Variants in PROCR observed in about 807,000 individuals in gnomAD.
PROCR encodes the protein endothelial protein C receptor.
In PROCR, 22 loss-of-function variants were observed where a neutral mutation model predicts 24.2. The observed-to-expected ratio is 0.91, with a 90% CI of 0.65 to 1.30. The LOEUF (loss-of-function observed/expected upper bound fraction) is 1.30, where lower values mean the gene tolerates loss of function less well. Among genes scored for constraint, PROCR ranks in the 50% most tolerant of loss-of-function variants. PROCR has a pLI of 0.00. For synonymous variants in PROCR, 137 were observed against 139.2 expected (o/e 0.98, Z 0.11); for missense variants, 288 against 307.7 (o/e 0.94, Z 0.48).
intron 1 of PROCR, among the ~76,000 whole-genome samples, chr20:35,186,918 A>G (rs1473941951): frequency 6.6e-6 from 1 of 151,482 alleles, no homozygotes; most frequent in East Asian, 1.9e-4. Flanking sequence ...GCGCCACTGC[A>G]CTCCAGCCTG....
chr20:35,173,421 T>C (rs993686693), intron 1 of PROCR, among the ~76,000 whole-genome samples: 1 of 140,506 alleles, frequency 7.1e-6, no homozygotes, highest in Non-Finnish European at 1.5e-5. Context: ...TCTTTCTTTT[T>C]TCTTTTTTTT....
chr20:35,174,432 G>A lies in PROCR; in HGVS notation c.71-270G>A, dbSNP rs577146043. ...GGTTAACAGGAAACGGGGGGAGGGA[G>A]AGCCGAGGGTGAAAAAGGAGGCAGA... On this transcript the variant is annotated intron_variant, in intron 1 of 3. Coordinates refer to ENST00000216968, the MANE Select transcript of PROCR (RefSeq NM_006404.5). 84 of 518,074 alleles carry A rather than the reference G, an allele frequency of 1.6e-4. 2 individuals carry two copies. The South Asian group carries it at 1.7e-3, about 10-fold the overall frequency. The allele number at this position is 518,074 out of a possible 1,614,324, so 32.1% of individuals were successfully genotyped here. A position where few individuals can be genotyped will look rare whatever the true frequency, so the allele number is the denominator to read the frequency against.
chr20:35,173,682 G>A (rs1014997664), intron 1 of PROCR, among the ~76,000 whole-genome samples: 2 of 151,790 alleles, frequency 1.3e-5, no homozygotes, highest in African/African-American at 4.8e-5. Flanking sequence ...CGCCCGCCTC[G>A]GCCTCCCAAA....
At chr20:35,171,126 C>T (rs1044343383), upstream of PROCR, among the ~76,000 whole-genome samples, 1 of 152,116 alleles carries the variant, frequency 6.6e-6, no homozygotes, top group African/African-American at 2.4e-5. Context: ...GTCTCAAACT[C>T]CTGGCCTCAA....
At chr20:35,215,500 T>C (rs1204451822) in intron 1 of PROCR, among the ~76,000 whole-genome samples, 2 of 150,640 alleles carry the variant, frequency 1.3e-5, no homozygotes, top group African/African-American at 4.9e-5. Context: ...GTCTTATCTT[T>C]TTTTTTTTTT....
Position 35,174,896 on chromosome 20 carries a change from T to C in PROCR, c.265T>C (p.Tyr89His), listed in dbSNP as rs372548432. ...WARTQSGLQS[Y>H]LLQFHGLVRL... ...GCGCACGCAGAGTGGCCTGCAGTCC[T>C]ACCTGCTCCAGTTCCACGGCCTCGT... Residue 89 changes from tyrosine to histidine, a missense_variant, in exon 2 of 4, where the codon TAC (tyrosine) becomes CAC (histidine). Tyr to His is a moderately conservative substitution (Grantham distance 83). Transcript: ENST00000216968. 3.0e-5 allele frequency: 49 copies of C among 1,609,604 alleles called. No homozygotes were observed. The highest frequency in any genetic ancestry group is 3.9e-5 in the Non-Finnish European group (46 of 1,178,192).
chr20:35,202,210 C>A (rs2060321081), intron 1 of PROCR: 1 of 152,146 alleles, frequency 6.6e-6, no homozygotes, highest in Admixed American at 6.6e-5. Flanking sequence ...AGCATGTTCT[C>A]TGGCTATACC....
intron 1 of PROCR, among the ~76,000 whole-genome samples, chr20:35,182,973 CAAAAAAAAAAAAA>C (rs71333786): frequency 9.0e-5 from 10 of 110,766 alleles, no homozygotes; most frequent in South Asian, 2.7e-4. Context: ...GACTCCGTCT[CAAAAAAAAAAAAA>C]AAAAAAAAAA....
In PROCR at chr20:35,174,904, C is replaced by T. The variant is rs1489641729; in HGVS notation, c.273C>T (p.Leu91=). Residue 91 remains leucine (L), a synonymous_variant, in exon 2 of 4, where the codon CTC becomes CTT. Transcript: ENST00000216968. ...AGAGTGGCCTGCAGTCCTACCTGCT[C>T]CAGTTCCACGGCCTCGTGCGCCTGG... is the stretch of plus-strand genomic sequence containing the variant. ...RTQSGLQSYL[L]QFHGLVRLVH... The T allele has an allele frequency of 6.2e-7, 1 of 1,608,216 alleles. No individual in the cohort carries two copies. The highest frequency in any genetic ancestry group is 8.5e-7 in the Non-Finnish European group (1 of 1,177,466).
chr20:35,185,151 T>G (rs2086113377), intron 1 of PROCR, among the ~76,000 whole-genome samples: 2 of 151,634 alleles, frequency 1.3e-5, no homozygotes, highest in East Asian at 3.9e-4. Context: ...ACATTACTAA[T>G]GATCAGGAAA....
In PROCR at chr20:35,174,960, A is replaced by G. The variant is rs747579561; in HGVS notation, c.322+7A>G. On this transcript the variant is annotated splice_region_variant and intron_variant, in intron 2 of 3. Transcript: ENST00000216968. ...CAGGAGCGGACCTTGGCCTGTGAGTAGGCGCGCAGCGGGGGCGGGGTCTGG... is the reference window on the plus strand; with the variant it reads ...CAGGAGCGGACCTTGGCCTGTGAGTGGGCGCGCAGCGGGGGCGGGGTCTGG... 2 of 1,185,962 alleles carry G rather than the reference A, an allele frequency of 1.7e-6. No homozygotes were observed. Among genetic ancestry groups the G allele is most frequent in the East Asian group, 5.8e-5 (1 of 17,112 alleles). The allele number at this position is 1,185,962 out of a possible 1,614,324, so 73.5% of individuals were successfully genotyped here.
intron 3 of PROCR, 123 bp from the exon 4 acceptor site, chr20:35,176,575 G>T: frequency 6.3e-7 from 1 of 1,589,880 alleles, no homozygotes; most frequent in Non-Finnish European, 8.6e-7. Flanking sequence ...CAGAACACAC[G>T]CAGCTTCAGT....
upstream of PROCR, chr20:35,172,071 C>A: frequency 7.5e-7 from 1 of 1,327,510 alleles, no homozygotes; most frequent in Non-Finnish European, 1.1e-6. Flanking sequence ...AGACGGTCCT[C>A]ACTTCTCTTT....
chr20:35,189,795 C>T (rs2086158233), intron 1 of PROCR, among the ~76,000 whole-genome samples: 1 of 152,136 alleles, frequency 6.6e-6, no homozygotes, highest in African/African-American at 2.4e-5. Context: ...GGGGCTGGTT[C>T]CCCCAATACC....
At chr20:35,174,465 G>A (rs1568590092) in intron 1 of PROCR, 2 of 579,936 alleles carry the variant, frequency 3.4e-6, no homozygotes, top group Non-Finnish European at 6.2e-6. Context: ...AGAAAGGAGT[G>A]TCTCTTCCAC....
upstream of PROCR, among the ~76,000 whole-genome samples, chr20:35,171,872 C>T (rs2085953547): frequency 6.6e-6 from 1 of 152,086 alleles, no homozygotes; most frequent in Non-Finnish European, 1.5e-5. Flanking sequence ...TAGGAAGCAG[C>T]CCAAGGAGAA....
chr20:35,172,024 T>G, upstream of PROCR: 1 of 799,994 alleles, frequency 1.3e-6, no homozygotes, highest in Non-Finnish European at 2.2e-6. Flanking sequence ...TCTCCTGGCC[T>G]CCTTCCATCC....
chr20:35,178,540 A>G (rs6058200), downstream of PROCR, among the ~76,000 whole-genome samples: 13,537 of 33,562 alleles, frequency 0.4, 3,304 homozygotes, highest in African/African-American at 0.66. Flanking sequence ...TTTTGAGACG[A>G]AGTCTCGCTC....
intron 1 of PROCR, among the ~76,000 whole-genome samples, chr20:35,186,884 C>T (rs965633016): frequency 2.0e-5 from 3 of 150,618 alleles, no homozygotes; most frequent in Admixed American, 6.6e-5. Context: ...ACCTGGGAGG[C>T]GGAGGTTGCA....
Sources: gnomAD v4.1 joint callset for allele counts (sites outside exome capture counted in the v4.1 genomes callset) on GRCh38, gnomAD v4.1.1 for gene constraint, MANE v1.5 for transcripts, NCBI Gene and HGNC (gene_info 2026-07-23, HGNC 2026-07-21) for gene names.